The following NKIRAS1 variants were observed in gnomAD, a reference collection of about 807,000 sequenced individuals.
The protein encoded by NKIRAS1 is NFKB inhibitor interacting Ras like 1, also known as NF-kappa-B inhibitor-interacting Ras-like protein 1.
NKIRAS1 carries 16 observed loss-of-function variants against 19.8 expected under a neutral mutation model. The ratio of observed to expected loss-of-function variants is 0.81; its 90% CI spans 0.55 to 1.23. The LOEUF is 1.23. Ranked by LOEUF, NKIRAS1 falls within the 50% of genes most tolerant of loss-of-function variation. The pLI is 0.00. For missense variants in NKIRAS1, 184 were observed against 220.0 expected (o/e 0.84, Z 1.04); for synonymous variants, 88 against 79.0 (o/e 1.11, Z -0.61).
intron 4 of NKIRAS1, 23 bp from the exon 5 acceptor site, chr3:23,893,360 G>A: frequency 1.2e-6 from 2 of 1,607,414 alleles, no homozygotes; most frequent in East Asian, 2.2e-5. Context: ...GGATTGAAAA[G>A]ATCATACTAG....
intron 3 of NKIRAS1, among the ~76,000 whole-genome samples, chr3:23,903,694 G>C (rs531217132): frequency 6.6e-5 from 10 of 152,136 alleles, no homozygotes; most frequent in African/African-American, 2.4e-4. Context: ...ATGATAAACA[G>C]GAAAGGGGCA....
At position 23,922,738 on chromosome 3, in the gene NKIRAS1, G is replaced by A. The variant is rs893939537; in HGVS notation, c.-139-11288C>T. 6.6e-6 allele frequency: 1 copy of A among 152,176 alleles called. No individual in the cohort carries two copies. Among genetic ancestry groups the A allele is most frequent in the African/African-American group, 2.4e-5 (1 of 41,416 alleles). 9.4% of individuals were successfully genotyped at this position (152,176 alleles called of 1,614,324 possible). A position where few individuals can be genotyped will look rare whatever the true frequency, so the allele number is the denominator to read the frequency against. ...TTAACGTTAAAAATTCAAAAGATAAGTATAGGCTCTACAGTACAAACCCTT... is the reference window on the plus strand; with the variant it reads ...TTAACGTTAAAAATTCAAAAGATAAATATAGGCTCTACAGTACAAACCCTT... On this transcript the variant is annotated intron_variant, in intron 1 of 4. Coordinates refer to the NKIRAS1 transcript ENST00000421515. The surrounding 1 kb of genome is among the most constrained non-coding windows in gnomAD (Gnocchi z 4.2).
chr3:23,908,380 G>A (rs1175901175), intron 3 of NKIRAS1, among the ~76,000 whole-genome samples: 19 of 152,124 alleles, frequency 1.2e-4, no homozygotes, highest in Non-Finnish European at 2.1e-4. Context: ...ATAATTACCT[G>A]AAAAGGCTAT....
At chr3:23,900,775 T>A (rs766189017) in intron 4 of NKIRAS1, 33 bp downstream of exon 4, 2 of 1,572,046 alleles carry the variant, frequency 1.3e-6, no homozygotes, top group Non-Finnish European at 1.7e-6. Context: ...GGTATTATAA[T>A]TCACATTTGG....
At chr3:23,930,358 C>T (rs1705286807) in intron 1 of NKIRAS1, among the ~76,000 whole-genome samples, 1 of 152,088 alleles carries the variant, frequency 6.6e-6, no homozygotes, top group South Asian at 2.1e-4. Flanking sequence ...AATTCGTTCT[C>T]CCAAATGCAG....
rs1374129870 is a variant in NKIRAS1, at chr3:23,891,018, A to G, written c.*2077T>C. 6.5e-6 allele frequency: 1 copy of G among 153,818 alleles called. No individual in the cohort carries two copies. Among genetic ancestry groups the G allele is most frequent in the Non-Finnish European group, 1.5e-5 (1 of 68,940 alleles). 9.5% of individuals were successfully genotyped at this position (153,818 alleles called of 1,614,324 possible). A position where few individuals can be genotyped will look rare whatever the true frequency, so the allele number is the denominator to read the frequency against. On this transcript the variant is annotated 3_prime_UTR_variant, in exon 5 of 5. Coordinates refer to ENST00000425478, the MANE Select transcript of NKIRAS1 (RefSeq NM_020345.4). Reference sequence around the variant, plus strand: ...ATTTGTTTTCCCTTCTTGGAAGGGAACATTGATATTTAACAGAGTTTTTAG... The same window carrying G: ...ATTTGTTTTCCCTTCTTGGAAGGGAGCATTGATATTTAACAGAGTTTTTAG...
chr3:23,921,179 G>T (rs1705059129), upstream of NKIRAS1, among the ~76,000 whole-genome samples: 1 of 152,146 alleles, frequency 6.6e-6, no homozygotes, highest in South Asian at 2.1e-4. Flanking sequence ...GAGAGAAAGG[G>T]TTCGGGCCAA....
intron 3 of NKIRAS1, among the ~76,000 whole-genome samples, chr3:23,906,178 A>AC (rs397801523): frequency 2.0e-5 from 3 of 150,710 alleles, no homozygotes; most frequent in African/African-American, 7.3e-5. Context: ...AAAAAAAAAA[A>AC]CCAAAGGGAG....
At chr3:23,919,681 AATAAG>A (rs1309349650), upstream of NKIRAS1, 2 of 1,393,334 alleles carry the variant, frequency 1.4e-6, no homozygotes, top group Non-Finnish European at 1.9e-6. Flanking sequence ...TCTTGTTTCT[AATAAG>A]ATAAACTTTT....
upstream of NKIRAS1, chr3:23,918,375 G>A (rs1704814387): frequency 1.3e-6 from 2 of 1,543,270 alleles, no homozygotes; most frequent in Non-Finnish European, 1.8e-6. Flanking sequence ...TTAGTGACAA[G>A]CCATTGAGTC....
chr3:23,932,857 CGTTAACATTA>C (rs1705340806), intron 1 of NKIRAS1, among the ~76,000 whole-genome samples: 1 of 152,082 alleles, frequency 6.6e-6, no homozygotes, highest in African/African-American at 2.4e-5. Flanking sequence ...GAGTCAACAA[CGTTAACATTA>C]ATAGAATCAC....
upstream of NKIRAS1, chr3:23,920,105 T>G: frequency 1.0e-6 from 1 of 985,902 alleles, no homozygotes; most frequent in Non-Finnish European, 1.2e-6. Flanking sequence ...ATAAAATTAT[T>G]AGCCTTAAGA....
At position 23,900,019 on chromosome 3, in the gene NKIRAS1, G is replaced by C. The variant is rs534429555; in HGVS notation, c.336+789C>G. 3.9e-5 allele frequency among the ~76,000 whole-genome samples: 6 copies of C among 152,086 alleles called. No individual in the cohort carries two copies. The South Asian group carries it at 1.2e-3, about 32-fold the overall frequency. On this transcript the variant is annotated intron_variant, in intron 4 of 4. Coordinates refer to ENST00000425478, the MANE Select transcript of NKIRAS1 (RefSeq NM_020345.4). Reference sequence around the variant, plus strand: ...TCTACTAAAAATACAAAAAATTACTGGGCCTGGTAGCACACGCCTGTAGTC... The same window carrying C: ...TCTACTAAAAATACAAAAAATTACTCGGCCTGGTAGCACACGCCTGTAGTC...
At chr3:23,945,875 A>T (rs1239704594) in intron 1 of NKIRAS1, among the ~76,000 whole-genome samples, 6 of 149,354 alleles carry the variant, frequency 4.0e-5, no homozygotes, top group East Asian at 2.0e-4. Context: ...CGCTGTGTTT[A>T]CGTTCGGCGG....
upstream of NKIRAS1, chr3:23,918,226 A>G: frequency 2.2e-6 from 2 of 918,172 alleles, no homozygotes; most frequent in Non-Finnish European, 3.3e-6. Context: ...ACAAATCTGA[A>G]TGAGTTCAGA....
At chr3:23,940,876 C>T (rs923967339) in intron 1 of NKIRAS1, among the ~76,000 whole-genome samples, 1 of 152,168 alleles carries the variant, frequency 6.6e-6, no homozygotes, top group Admixed American at 6.5e-5. Flanking sequence ...CTGCAATTTG[C>T]TGTGTCACAG....
intron 1 of NKIRAS1, among the ~76,000 whole-genome samples, chr3:23,936,909 A>C (rs1262010792): frequency 1.1e-5 from 1 of 88,102 alleles, no homozygotes; most frequent in African/African-American, 3.9e-5. Context: ...TGATCCAGTG[A>C]CCACACTTTT....
intron 3 of NKIRAS1, among the ~76,000 whole-genome samples, chr3:23,903,681 G>C (rs1575080078): frequency 6.6e-6 from 1 of 152,136 alleles, no homozygotes; most frequent in Non-Finnish European, 1.5e-5. Flanking sequence ...AAAATATTGA[G>C]AGATGATAAA....
At chr3:23,933,234 T>G (rs903532663) in intron 1 of NKIRAS1, among the ~76,000 whole-genome samples, 5 of 152,242 alleles carry the variant, frequency 3.3e-5, no homozygotes, top group African/African-American at 1.2e-4. Context: ...CTGTCTGCAT[T>G]TGTCATTTAA....
Sources: gnomAD v4.1 joint callset for allele counts (sites outside exome capture counted in the v4.1 genomes callset) on GRCh38, gnomAD v4.1.1 for gene constraint, Gnocchi (gnomAD v3.1) non-coding constraint, MANE v1.5 for transcripts, NCBI Gene and HGNC (gene_info 2026-07-23, HGNC 2026-07-21) for gene names.